Variants in SBF2 observed in about 807,000 individuals in gnomAD.
SBF2 encodes the protein SET binding factor 2.
In SBF2, 112 loss-of-function variants were observed where a neutral mutation model predicts 225.2. The ratio of observed to expected loss-of-function variants is 0.50; its 90% CI spans 0.43 to 0.58. SBF2 has a LOEUF of 0.58. Among genes scored for constraint, SBF2 ranks in the 20% least tolerant of loss-of-function variants. SBF2 has a pLI of 0.00. For missense variants in SBF2, 1,996 were observed against 2,206.2 expected (o/e 0.90, Z 1.91); for synonymous variants, 763 against 773.3 (o/e 0.99, Z 0.22).
In SBF2 at chr11:9,850,439, G is replaced by A. The variant is rs186867775; in HGVS notation, c.2611-221C>T. On this transcript the variant is annotated intron_variant, in intron 21 of 39. Coordinates refer to ENST00000256190, the MANE Select transcript of SBF2 (RefSeq NM_030962.4). ...CCTGGCTTATTTTTAAATTTTTTTT[G>A]TACAGATGGGATCTTGCTACATTGC... Among the ~76,000 whole-genome samples, 2,566 of 152,024 alleles carry A rather than the reference G, an allele frequency of 0.017. 27 individuals carry two copies. The highest frequency in any genetic ancestry group is 0.025 in the Non-Finnish European group (1,684 of 67,966).
At chr11:9,917,250 T>G (rs1863175435) in intron 16 of SBF2, among the ~76,000 whole-genome samples, 1 of 151,820 alleles carries the variant, frequency 6.6e-6, no homozygotes, top group African/African-American at 2.4e-5. Flanking sequence ...TTATCTTTTA[T>G]AAAGTCACTT....
At chr11:10,235,527 C>CA (rs797015174) in intron 1 of SBF2, among the ~76,000 whole-genome samples, 3,654 of 80,110 alleles carry the variant, frequency 0.046, 105 homozygotes, top group African/African-American at 0.12. Context: ...GACTCCATCT[C>CA]AAAAAAAAAA....
At chr11:10,177,517 C>T (rs990621624) in intron 2 of SBF2, among the ~76,000 whole-genome samples, 112 of 149,894 alleles carry the variant, frequency 7.5e-4, no homozygotes, top group African/African-American at 2.7e-3. Context: ...AATCAATGTA[C>T]AAAAATCACA....
At chr11:10,172,675 C>CT (rs1193005351) in intron 2 of SBF2, among the ~76,000 whole-genome samples, 2 of 151,230 alleles carry the variant, frequency 1.3e-5, no homozygotes, top group South Asian at 2.1e-4. Context: ...AATTTCTTTT[C>CT]TTTTTTTTTG....
chr11:9,906,637 A>G (rs999130670), intron 16 of SBF2, among the ~76,000 whole-genome samples: 1 of 152,230 alleles, frequency 6.6e-6, no homozygotes, highest in Non-Finnish European at 1.5e-5. Context: ...CAATAAGTCT[A>G]CAACTATTGA....
intron 1 of SBF2, among the ~76,000 whole-genome samples, chr11:10,203,705 A>G (rs980373794): frequency 6.6e-6 from 1 of 151,892 alleles, no homozygotes; most frequent in Non-Finnish European, 1.5e-5. Context: ...CTAAATTATC[A>G]TTATGTTGCA....
chr11:10,050,335 T>C (rs1280052273), intron 2 of SBF2, among the ~76,000 whole-genome samples: 1 of 152,152 alleles, frequency 6.6e-6, no homozygotes, highest in Non-Finnish European at 1.5e-5. Flanking sequence ...AGTCCCCTCT[T>C]ATCCATGGAG....
rs186208230 is a variant in SBF2 at position 9,939,294 on chromosome 11, C to T, written c.1860+22663G>A. Among the ~76,000 whole-genome samples the T allele has an allele frequency of 3.3e-5, 5 of 152,084 alleles. 1 individual carries two copies. The highest frequency in any genetic ancestry group is 4.8e-5 in the African/African-American group (2 of 41,392). ...TCTATTTTAAGTAGAGACGGGGTTT[C>T]ACCACCTTGGCCAGGCTGGTGTTGA... On this transcript the variant is annotated intron_variant, in intron 16 of 39. Transcript: ENST00000256190.
At chr11:9,826,710 T>C (rs977885823) in intron 28 of SBF2, among the ~76,000 whole-genome samples, 26 of 102,038 alleles carry the variant, frequency 2.5e-4, no homozygotes, top group Admixed American at 2.5e-3. Context: ...TAGTGTGTGG[T>C]GTGTATATAT....
intron 2 of SBF2, among the ~76,000 whole-genome samples, chr11:10,121,798 G>GT (rs1591004588): frequency 1.3e-5 from 2 of 152,164 alleles, no homozygotes; most frequent in Non-Finnish European, 2.9e-5. Flanking sequence ...TAATTCATAA[G>GT]TTTTAAATTT....
At chr11:10,060,278 T>G (rs1229930468) in intron 2 of SBF2, among the ~76,000 whole-genome samples, 1 of 151,950 alleles carries the variant, frequency 6.6e-6, no homozygotes, top group African/African-American at 2.4e-5. Context: ...TAGAAAACCT[T>G]GAAGAGATTA....
At chr11:10,132,808 G>A (rs189041609) in intron 2 of SBF2, among the ~76,000 whole-genome samples, 6 of 149,016 alleles carry the variant, frequency 4.0e-5, no homozygotes, top group African/African-American at 9.9e-5. Context: ...TGGTAGGGCC[G>A]AGTGGCCTGT....
At chr11:10,010,370 A>C (rs1477940893) in intron 6 of SBF2, among the ~76,000 whole-genome samples, 1 of 152,138 alleles carries the variant, frequency 6.6e-6, no homozygotes. Flanking sequence ...AATGGTTTTA[A>C]GTCTTACATT....
intron 16 of SBF2, 41 bp from the exon 17 acceptor site, chr11:9,896,052 C>A (rs372593520): frequency 6.8e-7 from 1 of 1,481,022 alleles, no homozygotes; most frequent in South Asian, 1.1e-5. Context: ...AGGATATTTA[C>A]CAGAAATCAC....
At chr11:9,860,266 T>G (rs945238988) in intron 17 of SBF2, among the ~76,000 whole-genome samples, 1 of 148,418 alleles carries the variant, frequency 6.7e-6, no homozygotes, top group Non-Finnish European at 1.5e-5. Context: ...AAACAGTTTT[T>G]TTTTTTTTTT....
At chr11:10,100,458 T>C (rs1164010183) in intron 2 of SBF2, among the ~76,000 whole-genome samples, 1 of 152,210 alleles carries the variant, frequency 6.6e-6, no homozygotes, top group Non-Finnish European at 1.5e-5. Flanking sequence ...TGGCAATCTC[T>C]CTACTGGCAG....
chr11:10,149,425 A>G (rs1275104613), intron 2 of SBF2: 2 of 152,202 alleles, frequency 1.3e-5, no homozygotes, highest in African/African-American at 4.8e-5. Context: ...AAACCAAACA[A>G]TAGTTTCCTA....
At chr11:9,954,295 A>G (rs1272538137) in intron 16 of SBF2, among the ~76,000 whole-genome samples, 1 of 152,206 alleles carries the variant, frequency 6.6e-6, no homozygotes, top group Non-Finnish European at 1.5e-5. Context: ...CATTTAGTTA[A>G]TGTTTCTTTC....
intron 6 of SBF2, among the ~76,000 whole-genome samples, chr11:10,011,385 T>C (rs1017559161): frequency 3.2e-4 from 49 of 152,042 alleles, no homozygotes; most frequent in African/African-American, 1.1e-3. Context: ...CACCACCACA[T>C]CTGGATAATT....
Sources: allele counts gnomAD v4.1 joint callset (sites outside exome capture counted in the v4.1 genomes callset), GRCh38; gene constraint gnomAD v4.1.1; transcripts MANE v1.5; gene names NCBI Gene and HGNC (gene_info 2026-07-23, HGNC 2026-07-21).